Variants in SMAP1 observed in about 807,000 individuals in gnomAD.
The protein encoded by SMAP1 is stromal membrane-associated protein 1.
In SMAP1, 24 loss-of-function variants were observed where a neutral mutation model predicts 58.5. The observed-to-expected ratio is 0.41, with a 90% CI of 0.30 to 0.58. The LOEUF (loss-of-function observed/expected upper bound fraction) is 0.58. SMAP1 is among the 20% of genes least tolerant of loss of function. The pLI, the probability that SMAP1 is intolerant of heterozygous loss-of-function variation, is 0.29. For missense variants in SMAP1, 563 were observed against 566.3 expected (o/e 0.99, Z 0.06); for synonymous variants, 216 against 196.6 (o/e 1.10, Z -0.82).
intron 6 of SMAP1, among the ~76,000 whole-genome samples, chr6:70,799,437 G>A (rs1227537732): frequency 6.6e-6 from 1 of 152,132 alleles, no homozygotes; most frequent in East Asian, 1.9e-4. Flanking sequence ...GCGAACTACA[G>A]CTAGTGAGAA....
rs923225037 is a variant in SMAP1, at chr6:70,860,261, A to G, written c.1331A>G (p.Gln444Arg). The G allele has an allele frequency of 6.2e-7, 1 of 1,613,840 alleles. No homozygotes were observed. The change falls in exon 11 of 11, where the codon CAG (glutamine) becomes CGG (arginine). Residue 444 changes from glutamine to arginine, a missense_variant. By Grantham distance (43) the Gln-to-Arg change is conservative. Around this residue, in one of 3 missense-constraint regions of SMAP1, gnomAD observed 494 missense variants for 473.8 expected, o/e 1.04. Transcript: ENST00000370455. The part of the protein sequence containing the change: ...SSATPTAGFG[Q>R]PSSTTAGWSG... ...GCAACCCCTACTGCAGGTTTTGGCCAGCCCTCCAGCACAACAGCAGGATGG... is the reference window on the plus strand; with the variant it reads ...GCAACCCCTACTGCAGGTTTTGGCCGGCCCTCCAGCACAACAGCAGGATGG...
chr6:70,697,472 AT>A (rs984469445), intron 1 of SMAP1, among the ~76,000 whole-genome samples: 1 of 151,526 alleles, frequency 6.6e-6, no homozygotes, highest in Non-Finnish European at 1.5e-5. Context: ...CACCCAGCTA[AT>A]TTTTTTGTAT....
At chr6:70,791,514 T>A (rs1768351429) in intron 4 of SMAP1, among the ~76,000 whole-genome samples, 175 bp from the exon 5 acceptor site, 1 of 152,212 alleles carries the variant, frequency 6.6e-6, no homozygotes, top group South Asian at 2.1e-4. Flanking sequence ...AATTTCAAAT[T>A]GAAATTTTTA....
At position 70,836,961 on chromosome 6, in the gene SMAP1, A is replaced by G. The variant is rs1199000058; in HGVS notation, c.597A>G (p.Gln199=). 2 of 1,601,206 alleles carry G rather than the reference A, an allele frequency of 1.2e-6. No homozygotes were observed. The highest frequency in any genetic ancestry group is 8.5e-7 in the Non-Finnish European group (1 of 1,174,426). The part of the protein sequence containing the change: ...TAEKLQKKDQ[Q]LEPKKSTSPK... ...TAAAGCTGCAGAAGAAAGATCAGCA[A>G]CTGGAGCCTAAAAAAAGTACCAGCC... The change falls in exon 7 of 11, where the codon CAA becomes CAG. Residue 199 remains glutamine, a synonymous_variant. Transcript: ENST00000370455.
chr6:70,713,454 CTT>C (rs1429354446), intron 1 of SMAP1, among the ~76,000 whole-genome samples: 2 of 151,684 alleles, frequency 1.3e-5, no homozygotes, highest in African/African-American at 4.8e-5. Flanking sequence ...GGTTTGTTCT[CTT>C]TTTGTTTTTG....
chr6:70,831,828 T>C lies in SMAP1; in HGVS notation c.577-5113T>C, dbSNP rs1348917928. ...AAATGGTAATTCCATTTAAGTTATT[T>C]GAGAAATTGCCAAACTGCTTTCCAC... On this transcript the variant is annotated intron_variant, in intron 6 of 10. Transcript: ENST00000370455. Among the ~76,000 whole-genome samples, 3 of 152,236 alleles carry C rather than the reference T, an allele frequency of 2.0e-5. No individual in the cohort carries two copies. In the East Asian group the frequency reaches 5.8e-4, roughly 29 times the overall value.
At chr6:70,770,616 T>G (rs1767242887) in intron 3 of SMAP1, among the ~76,000 whole-genome samples, 1 of 152,206 alleles carries the variant, frequency 6.6e-6, no homozygotes, top group Non-Finnish European at 1.5e-5. Flanking sequence ...CTTTAAGCCC[T>G]TCTCTATATT....
chr6:70,796,226 C>T (rs1449261842), intron 5 of SMAP1, among the ~76,000 whole-genome samples: 2 of 152,164 alleles, frequency 1.3e-5, no homozygotes, highest in Non-Finnish European at 2.9e-5. Context: ...CAGTGCCTGG[C>T]ACATAGTAAC....
At chr6:70,729,322 C>T (rs2149857558) in intron 1 of SMAP1, among the ~76,000 whole-genome samples, 1 of 151,940 alleles carries the variant, frequency 6.6e-6, no homozygotes, top group East Asian at 1.9e-4. Flanking sequence ...GCCTGTAGTC[C>T]CAGCTACTCA....
Position 70,820,654 on chromosome 6 carries a change from C to T in SMAP1, c.577-16287C>T, listed in dbSNP as rs373063789. 4.7e-3 allele frequency among the ~76,000 whole-genome samples: 717 copies of T among 151,354 alleles called. 1 individual carries two copies. Among genetic ancestry groups the T allele is most frequent in the African/African-American group, 0.017 (693 of 41,264 alleles). On this transcript the variant is annotated intron_variant, in intron 6 of 10. Coordinates refer to ENST00000370455, the MANE Select transcript of SMAP1 (RefSeq NM_001044305.3). ...CCAGGAGGCTGAGGTTGTAGTGAAC[C>T]GAGATCGTGCCACTGCACTCCAGCC...
chr6:70,785,667 CA>C (rs1329144539), intron 4 of SMAP1, among the ~76,000 whole-genome samples: 1 of 152,170 alleles, frequency 6.6e-6, no homozygotes, highest in Admixed American at 6.6e-5. Flanking sequence ...GAGAATACGA[CA>C]AACACCTCTA....
intron 1 of SMAP1, among the ~76,000 whole-genome samples, chr6:70,688,556 A>G (rs533457861): frequency 1.3e-5 from 2 of 152,260 alleles, no homozygotes; most frequent in South Asian, 4.1e-4. Flanking sequence ...ATGGTGTTGA[A>G]CATCTTTTCA....
At chr6:70,794,913 C>G (rs749772071) in intron 5 of SMAP1, among the ~76,000 whole-genome samples, 1 of 151,812 alleles carries the variant, frequency 6.6e-6, no homozygotes, top group Non-Finnish European at 1.5e-5. Flanking sequence ...CTCAGCCTCC[C>G]GAGTAGCTGG....
chr6:70,778,726 G>A (rs1767642558), intron 4 of SMAP1, among the ~76,000 whole-genome samples: 3 of 152,214 alleles, frequency 2.0e-5, no homozygotes, highest in African/African-American at 4.8e-5. Flanking sequence ...GTCTGAGTAC[G>A]TCGGTTGTCA....
At chr6:70,729,419 A>G (rs1246936162) in intron 1 of SMAP1, among the ~76,000 whole-genome samples, 2 of 149,806 alleles carry the variant, frequency 1.3e-5, no homozygotes, top group Non-Finnish European at 3.0e-5. Flanking sequence ...AGCCTGGGCA[A>G]CAGAGCGAGA....
At chr6:70,711,489 T>A (rs1188425420) in intron 1 of SMAP1, among the ~76,000 whole-genome samples, 1 of 152,136 alleles carries the variant, frequency 6.6e-6, no homozygotes, top group African/African-American at 2.4e-5. Flanking sequence ...TATGTTGATT[T>A]TGTGTTTTAC....
intron 2 of SMAP1, among the ~76,000 whole-genome samples, chr6:70,735,784 G>A (rs1765595504): frequency 6.6e-6 from 1 of 152,086 alleles, no homozygotes; most frequent in Non-Finnish European, 1.5e-5. Flanking sequence ...GAAGTACTTG[G>A]GAGGTATTTA....
intron 2 of SMAP1, among the ~76,000 whole-genome samples, chr6:70,740,851 G>C (rs1276832108): frequency 6.6e-6 from 1 of 152,156 alleles, no homozygotes; most frequent in Admixed American, 6.5e-5. Flanking sequence ...TGGCTGGGGA[G>C]GCCTCAAATC....
chr6:70,668,624 C>CCTAG, intron 1 of SMAP1: 1 of 1,535,034 alleles, frequency 6.5e-7, no homozygotes, highest in Non-Finnish European at 8.7e-7. Flanking sequence ...TTCTTGGTCT[C>CCTAG]CTAGATGGAG....
Sources: allele counts gnomAD v4.1 joint callset (sites outside exome capture counted in the v4.1 genomes callset), GRCh38; gene constraint gnomAD v4.1.1; regional missense constraint gnomAD v4.1.1; transcripts MANE v1.5; gene names NCBI Gene and HGNC (gene_info 2026-07-23, HGNC 2026-07-21).